ADCY4: variants seen among roughly 807,000 people sequenced by gnomAD.
The protein encoded by ADCY4 is adenylate cyclase 4.
ADCY4 carries 111 observed loss-of-function variants against 125.5 expected under a neutral mutation model. That is an observed-to-expected ratio of 0.88 (90% CI 0.76 to 1.04). ADCY4 has a LOEUF of 1.04. ADCY4 is among the 50% of genes least tolerant of loss of function. ADCY4 has a pLI of 0.00. For missense variants in ADCY4, 1,256 were observed against 1,382.9 expected (o/e 0.91, Z 1.46); for synonymous variants, 576 against 586.9 (o/e 0.98, Z 0.27).
Position 24,331,901 on chromosome 14 carries a change from C to T in ADCY4, c.556G>A (p.Val186Met), listed in dbSNP as rs144651343. 66 of 1,583,140 alleles carry T rather than the reference C, an allele frequency of 4.2e-5. No individual in the cohort carries two copies. The highest frequency in any genetic ancestry group is 5.6e-5 in the Non-Finnish European group (65 of 1,157,494). Reference sequence around the variant, plus strand: ...AGCGCCTTGTGGTACACTCCTGCCACGTTCCCGCACAGGAACAGCACTGCG... The same window carrying T: ...AGCGCCTTGTGGTACACTCCTGCCATGTTCCCGCACAGGAACAGCACTGCG... Reference protein sequence around the residue: ...ANAVLFLCGNVAGVYHKALME... With the variant: ...ANAVLFLCGNMAGVYHKALME... The change falls in exon 4 of 25, where the codon GTG (valine) becomes ATG (methionine). Residue 186 changes from valine (V) to methionine (M), a missense_variant. Coordinates refer to ENST00000418030, the MANE Select transcript of ADCY4 (RefSeq NM_001198568.2).
chr14:24,332,863 C>A lies in ADCY4; in HGVS notation c.285G>T (p.Leu95Phe), dbSNP rs1251592869. 1 of 1,604,742 alleles carries A rather than the reference C, an allele frequency of 6.2e-7. No individual in the cohort carries two copies. Residue 95 changes from leucine (L) to phenylalanine (F), a missense_variant, in exon 2 of 25, where the codon TTG (leucine) becomes TTT (phenylalanine). Physicochemically the swap from Leu to Phe is conservative, Grantham distance 22 (BLOSUM62 0). Transcript: ENST00000418030. ...CTAGCGCTAGCAGCGCGACCCATAC[C>A]AAGCCGGACAGGGGACGCGTCCAGC... is the stretch of plus-strand genomic sequence containing the variant. ...LQRWTRPLSG[L>F]VWVALLALGH...
intron 13 of ADCY4, 108 bp downstream of exon 13, chr14:24,325,710 G>T (rs994140657): frequency 1.5e-6 from 2 of 1,318,370 alleles, no homozygotes; most frequent in African/African-American, 1.5e-5. Flanking sequence ...TCACCCCTAG[G>T]ATCACAAACT....
chr14:24,321,241 T>A (rs1413002305), intron 20 of ADCY4, among the ~76,000 whole-genome samples: 1 of 124,568 alleles, frequency 8.0e-6, no homozygotes, highest in African/African-American at 2.9e-5. Context: ...TGAAACCCTG[T>A]CTCTACTAAA....
chr14:24,322,654 G>A lies in ADCY4; in HGVS notation c.2397C>T (p.Phe799=), dbSNP rs1307234051. ...KLMGAISFFI[F]FFTLLVLARQ... is the part of the protein sequence containing the mutation. ...GAGCCAGGACAAGGAGGGTGAAGAAGAAGATGAAGAAGGAGATAGCACCCA... is the reference window on the plus strand; with the variant it reads ...GAGCCAGGACAAGGAGGGTGAAGAAAAAGATGAAGAAGGAGATAGCACCCA... Residue 799 remains phenylalanine (F), a synonymous_variant, in exon 19 of 25, where the codon TTC becomes TTT. Transcript: ENST00000418030. 3 of 1,614,186 alleles carry A rather than the reference G, an allele frequency of 1.9e-6. No homozygotes were observed. The highest frequency in any genetic ancestry group is 2.5e-6 in the Non-Finnish European group (3 of 1,180,022).
intron 1 of ADCY4, among the ~76,000 whole-genome samples, chr14:24,333,322 G>A (rs916537045): frequency 6.6e-6 from 1 of 152,138 alleles, no homozygotes; most frequent in African/African-American, 2.4e-5. Flanking sequence ...CCGGGTTCAA[G>A]TGATTCTCAT....
chr14:24,327,161 T>C (rs1398927600), intron 10 of ADCY4, among the ~76,000 whole-genome samples: 1 of 152,090 alleles, frequency 6.6e-6, no homozygotes, highest in Admixed American at 6.6e-5. Context: ...CCTCCCAAAG[T>C]ACTGGGATTA....
In ADCY4 at chr14:24,325,439, A is replaced by G. The variant is rs1165013685; in HGVS notation, c.1761T>C (p.Tyr587=). Residue 587 remains tyrosine, a synonymous_variant, in exon 14 of 25, where the codon TAT becomes TAC. Transcript: ENST00000418030. ...RLSAIPAFKY[Y]EACTFLVFLS... is the part of the protein sequence containing the mutation. ...GAAAAACCAGGAAGGTGCAGGCTTCATAGTATTTGAAGGCGGGGATTGCAG... is the reference window on the plus strand; with the variant it reads ...GAAAAACCAGGAAGGTGCAGGCTTCGTAGTATTTGAAGGCGGGGATTGCAG... 3.7e-6 allele frequency: 6 copies of G among 1,613,832 alleles called. No homozygotes were observed. The highest frequency in any genetic ancestry group is 1.3e-5 in the African/African-American group (1 of 74,810).
Position 24,329,171 on chromosome 14 carries a change from T to A in ADCY4, c.1414A>T (p.Met472Leu), listed in dbSNP as rs1482993539. The A allele has an allele frequency of 6.2e-7, 1 of 1,613,914 alleles. No individual in the cohort carries two copies. Among genetic ancestry groups the A allele is most frequent in the East Asian group, 2.2e-5 (1 of 44,882 alleles). ...CGGGTCATCAGCAGTGATGGACGCATCTTGAGGCCCTCAAGCGAGGACAGC... is the reference window on the plus strand; with the variant it reads ...CGGGTCATCAGCAGTGATGGACGCAACTTGAGGCCCTCAAGCGAGGACAGC... Reference protein sequence around the residue: ...GLLSSLEGLKMRPSLLMTRYL... With the variant: ...GLLSSLEGLKLRPSLLMTRYL... The change falls in exon 10 of 25, where the codon ATG (methionine) becomes TTG (leucine). Residue 472 changes from methionine (M) to leucine (L), a missense_variant. By Grantham distance (15) the Met-to-Leu change is conservative. Coordinates refer to ENST00000418030, the MANE Select transcript of ADCY4 (RefSeq NM_001198568.2).
intron 10 of ADCY4, among the ~76,000 whole-genome samples, chr14:24,328,280 T>C (rs1487180416): frequency 6.6e-6 from 1 of 150,782 alleles, no homozygotes; most frequent in Non-Finnish European, 1.5e-5. Flanking sequence ...AAGACTCTGC[T>C]CCTCCACCTC....
chr14:24,322,996 C>A lies in ADCY4; in HGVS notation c.2250G>T (p.Trp750Cys). Reference protein sequence around the residue: ...FELKLLLLLLWLAASCSLFLH... With the variant: ...FELKLLLLLLCLAASCSLFLH... ...GGAAGAGGGAGCAGGATGCCGCCAG[C>A]CACAGCAGGAGCAGCAGCAGCTTCA... is the stretch of plus-strand genomic sequence containing the variant. The change falls in exon 18 of 25, where the codon TGG (tryptophan) becomes TGT (cysteine). Residue 750 changes from tryptophan (W) to cysteine (C), a missense_variant. By Grantham distance (215) the Trp-to-Cys change is radical (BLOSUM62 -2). Transcript: ENST00000418030. 6.2e-7 allele frequency: 1 copy of A among 1,614,150 alleles called. No individual in the cohort carries two copies. Among genetic ancestry groups the A allele is most frequent in the African/African-American group, 1.3e-5 (1 of 75,052 alleles).
Position 24,328,829 on chromosome 14 carries a change from TA to T in ADCY4, c.1524+231del. The stretch of plus-strand genomic sequence containing the variant: ...GGGCTGGTCCCTACAATGGTGTCTG[TA>T]GGGATCTTGTATCTTCTCTGAGGTG... On this transcript the variant is annotated intron_variant, in intron 10 of 24. Coordinates refer to ENST00000418030, the MANE Select transcript of ADCY4 (RefSeq NM_001198568.2). The T allele has an allele frequency of 6.8e-6, 4 of 584,376 alleles. No homozygotes were observed. The South Asian group carries it at 8.3e-5, about 12-fold the overall frequency. 36.2% of individuals were successfully genotyped at this position (584,376 alleles called of 1,614,324 possible). A position where few individuals can be genotyped will look rare whatever the true frequency, so the allele number is the denominator to read the frequency against.
At chr14:24,324,885 G>GT (rs1359064178) in intron 14 of ADCY4, among the ~76,000 whole-genome samples, 1 of 151,858 alleles carries the variant, frequency 6.6e-6, no homozygotes, top group Non-Finnish European at 1.5e-5. Context: ...TGTATTTTTA[G>GT]TAGAGATGGG....
rs909493745 is a variant in ADCY4 at position 24,334,603 on chromosome 14, T to C, written c.50A>G (p.Tyr17Cys). 1 of 1,566,200 alleles carries C rather than the reference T, an allele frequency of 6.4e-7. No individual in the cohort carries two copies. ...CTGGCTCAGGCTGTAGTAGGTCTCG[T>C]AGAAGAGGTCTTCGCTGGGGGGCGG... ...PRPPPSEDLF[Y>C]ETYYSLSQQY... The change falls in exon 1 of 25, where the codon TAC (tyrosine) becomes TGC (cysteine). Residue 17 changes from tyrosine to cysteine, a missense_variant. Transcript: ENST00000418030.
chr14:24,328,494 G>A (rs4982897), intron 10 of ADCY4: 24,409 of 155,832 alleles, frequency 0.16, 2,529 homozygotes, highest in African/African-American at 0.3. Context: ...GGTGTAAGCT[G>A]TCTTTCTCTT....
At chr14:24,322,809 G>T in intron 18 of ADCY4, 95 bp downstream of exon 18, 1 of 1,544,318 alleles carries the variant, frequency 6.5e-7, no homozygotes, top group Non-Finnish European at 8.8e-7. Context: ...TTGCCCTGTG[G>T]GTGATTCAGG....
chr14:24,322,713 A>AG lies in ADCY4; in HGVS notation c.2343-6dup, dbSNP rs773480695. The AG allele has an allele frequency of 1.2e-6, 2 of 1,613,700 alleles. No homozygotes were observed. Among genetic ancestry groups the AG allele is most frequent in the African/African-American group, 2.7e-5 (2 of 75,042 alleles). On this transcript the variant is annotated splice_region_variant and splice_polypyrimidine_tract_variant and intron_variant, in intron 18 of 24. Coordinates refer to ENST00000418030, the MANE Select transcript of ADCY4 (RefSeq NM_001198568.2). ...GGCTCCTTCAGCACTCCGGGCCTGA[A>AG]GGGGCCATGGATCAGGGTGACCCCT...
At chr14:24,321,822 C>T (rs1398894126) in intron 20 of ADCY4, 17 of 1,231,762 alleles carry the variant, frequency 1.4e-5, no homozygotes, top group African/African-American at 1.5e-5. Context: ...GCCTAGGCTT[C>T]TGGAATGTAT....
At chr14:24,331,654 C>T in intron 4 of ADCY4, 134 bp downstream of exon 4, 2 of 1,296,696 alleles carry the variant, frequency 1.5e-6, no homozygotes, top group Non-Finnish European at 2.0e-6. Context: ...TGGGCAATAC[C>T]CACATTTTAT....
At chr14:24,326,601 G>A in intron 10 of ADCY4, 1 of 435,270 alleles carries the variant, frequency 2.3e-6, no homozygotes, top group Non-Finnish European at 4.2e-6. Context: ...GTGTGTGTGT[G>A]TGTGTGTGTG....
Sources: allele counts gnomAD v4.1 joint callset (sites outside exome capture counted in the v4.1 genomes callset), GRCh38; gene constraint gnomAD v4.1.1; transcripts MANE v1.5; gene names NCBI Gene and HGNC (gene_info 2026-07-23, HGNC 2026-07-21).